TMEM26: variants seen among roughly 807,000 people sequenced by gnomAD.
TMEM26 encodes transmembrane protein 26.
A neutral mutation model predicts 28.8 loss-of-function variants in TMEM26; 38 were observed. The observed-to-expected ratio is 1.32, with a 90% confidence interval of 1.02 to 1.73. The LOEUF is 1.73. Among genes scored for constraint, TMEM26 ranks in the 40% most tolerant of loss-of-function variants. The pLI is 0.00. For missense variants in TMEM26, 518 were observed against 447.1 expected (o/e 1.16, Z -1.43); for synonymous variants, 227 against 182.9 (o/e 1.24, Z -1.95).
At chr10:61,441,463 T>C (rs1840092001) in intron 1 of TMEM26, among the ~76,000 whole-genome samples, 1 of 152,212 alleles carries the variant, frequency 6.6e-6, no homozygotes. Context: ...GTCTGTGCAA[T>C]TCATTTTTAG....
At chr10:61,413,925 C>T (rs1300710721) in intron 4 of TMEM26, 1 of 987,700 alleles carries the variant, frequency 1.0e-6, no homozygotes, top group African/African-American at 1.7e-5. Context: ...TCTAAGAAAC[C>T]AGGGATCGAA....
chr10:61,413,055 C>T (rs923755367), intron 5 of TMEM26: 5 of 911,136 alleles, frequency 5.5e-6, no homozygotes, highest in African/African-American at 1.8e-5. Context: ...ACTTTTATGG[C>T]AGCAACTTGC....
intron 1 of TMEM26, among the ~76,000 whole-genome samples, chr10:61,441,992 GT>G (rs944369158): frequency 4.0e-5 from 6 of 151,626 alleles, no homozygotes; most frequent in Admixed American, 1.3e-4. Context: ...TCTCAAAGGA[GT>G]TTTTTTCTTT....
chr10:61,433,978 G>C (rs2095303634), intron 2 of TMEM26, among the ~76,000 whole-genome samples: 1 of 152,078 alleles, frequency 6.6e-6, no homozygotes, highest in African/African-American at 2.4e-5. Context: ...CTAACCTATG[G>C]AGTTGTTGGG....
rs1300131983 is a variant in TMEM26, at chr10:61,407,562, G to C, written c.*2760C>G. 6.6e-6 allele frequency: 1 copy of C among 152,172 alleles called. No individual in the cohort carries two copies. The highest frequency in any genetic ancestry group is 1.5e-5 in the Non-Finnish European group (1 of 68,028). The allele number at this position is 152,172 out of a possible 1,614,324, so 9.4% of individuals were successfully genotyped here. The stretch of plus-strand genomic sequence containing the variant: ...TGAGAGTCATCCAGTAAGGGCAAAA[G>C]AAACCCACAAGATGATCATGAGGTG... On this transcript the variant is annotated 3_prime_UTR_variant, in exon 6 of 6. Transcript: ENST00000399298.
chr10:61,415,937 A>G (rs1337386667), intron 4 of TMEM26: 1 of 337,218 alleles, frequency 3.0e-6, no homozygotes, highest in African/African-American at 2.2e-5. Flanking sequence ...TAATGTGGAA[A>G]AGGAATGAAA....
intron 3 of TMEM26, among the ~76,000 whole-genome samples, chr10:61,430,778 G>T (rs1343573648): frequency 3.3e-5 from 5 of 152,026 alleles, no homozygotes; most frequent in Non-Finnish European, 5.9e-5. Flanking sequence ...CTGTGGTGCA[G>T]GGTATTGATG....
At chr10:61,415,111 A>C (rs939226259) in intron 4 of TMEM26, 1 of 985,136 alleles carries the variant, frequency 1.0e-6, no homozygotes, top group Non-Finnish European at 1.2e-6. Flanking sequence ...GAAAACCAGT[A>C]CCCTGGAAGA....
chr10:61,441,685 T>C (rs764291501), intron 1 of TMEM26, among the ~76,000 whole-genome samples: 74 of 152,296 alleles, frequency 4.9e-4, no homozygotes, highest in Middle Eastern at 3.4e-3. Context: ...CTGATAAGTA[T>C]ATGATTCAAT....
At position 61,452,979 on chromosome 10, in the gene TMEM26, G is replaced by A; in HGVS notation, c.103C>T (p.Arg35Trp). The A allele has an allele frequency of 4.3e-6, 7 of 1,614,094 alleles. No homozygotes were observed. The highest frequency in any genetic ancestry group is 5.9e-6 in the Non-Finnish European group (7 of 1,180,036). Residue 35 changes from arginine (R) to tryptophan (W), a missense_variant, in exon 1 of 6, where the codon CGG (arginine) becomes TGG (tryptophan). Physicochemically the swap from Arg to Trp is moderately radical, Grantham distance 101. Transcript: ENST00000399298. ...TTGAGCAGCGCAAGCAGCCAGTACCGCGGCTCCTTCTTCACCTCGGTCACT... is the reference window on the plus strand; with the variant it reads ...TTGAGCAGCGCAAGCAGCCAGTACCACGGCTCCTTCTTCACCTCGGTCACT... ...WRVTEVKKEP[R>W]YWLLALLNLL... is the part of the protein sequence containing the mutation.
chr10:61,409,014 G>A lies in TMEM26; in HGVS notation c.*1308C>T, dbSNP rs930104931. ...CTTAAATGTCCCTTTGAATTCTCGA[G>A]TATACTAATCTGGGGGAATTAGGTT... On this transcript the variant is annotated 3_prime_UTR_variant, in exon 6 of 6. Coordinates refer to ENST00000399298, the MANE Select transcript of TMEM26 (RefSeq NM_178505.8). 1 of 152,148 alleles carries A rather than the reference G, an allele frequency of 6.6e-6. No homozygotes were observed. Among genetic ancestry groups the A allele is most frequent in the Non-Finnish European group, 1.5e-5 (1 of 68,014 alleles). 9.4% of individuals were successfully genotyped at this position (152,148 alleles called of 1,614,324 possible). A position where few individuals can be genotyped will look rare whatever the true frequency, so the allele number is the denominator to read the frequency against.
At chr10:61,444,600 A>C (rs1238087430) in intron 1 of TMEM26, among the ~76,000 whole-genome samples, 1 of 151,794 alleles carries the variant, frequency 6.6e-6, no homozygotes, top group Non-Finnish European at 1.5e-5. Flanking sequence ...TGTTCTAAGC[A>C]AAATCATCGC....
chr10:61,419,565 CTA>C (rs1163044227), intron 4 of TMEM26, among the ~76,000 whole-genome samples: 1 of 151,978 alleles, frequency 6.6e-6, no homozygotes, highest in Non-Finnish European at 1.5e-5. Context: ...CAATTGGACT[CTA>C]CATCTGGATT....
chr10:61,422,804 A>T (rs1839770615), intron 4 of TMEM26, among the ~76,000 whole-genome samples: 1 of 152,152 alleles, frequency 6.6e-6, no homozygotes, highest in African/African-American at 2.4e-5. Context: ...GCAAGCATAA[A>T]GGAAAAATTA....
At chr10:61,451,357 G>C (rs994880116) in intron 1 of TMEM26, among the ~76,000 whole-genome samples, 1 of 152,160 alleles carries the variant, frequency 6.6e-6, no homozygotes, top group African/African-American at 2.4e-5. Context: ...CCTCTTCTGA[G>C]GCTGAAGGTC....
chr10:61,431,601 A>AT (rs1217545493), intron 2 of TMEM26, among the ~76,000 whole-genome samples: 1 of 152,160 alleles, frequency 6.6e-6, no homozygotes, highest in Non-Finnish European at 1.5e-5. Flanking sequence ...GAGCTGTAGA[A>AT]TTTATAGATT....
At chr10:61,432,594 C>G (rs964049978) in intron 2 of TMEM26, among the ~76,000 whole-genome samples, 4 of 151,982 alleles carry the variant, frequency 2.6e-5, no homozygotes, top group African/African-American at 9.7e-5. Context: ...GCTCCACCAC[C>G]GCCACTACAA....
chr10:61,447,875 C>T (rs1840211554), intron 1 of TMEM26, among the ~76,000 whole-genome samples: 1 of 152,238 alleles, frequency 6.6e-6, no homozygotes. Flanking sequence ...ACCCAAACCA[C>T]TGGGGCCTTC....
At chr10:61,433,423 A>C (rs1311485340) in intron 2 of TMEM26, among the ~76,000 whole-genome samples, 1 of 152,110 alleles carries the variant, frequency 6.6e-6, no homozygotes, top group African/African-American at 2.4e-5. Context: ...TTTTTTTAAA[A>C]AAAGGCTGTG....
Sources: gnomAD v4.1 joint callset for allele counts (sites outside exome capture counted in the v4.1 genomes callset) on GRCh38, gnomAD v4.1.1 for gene constraint, MANE v1.5 for transcripts, NCBI Gene and HGNC (gene_info 2026-07-23, HGNC 2026-07-21) for gene names.